Variants in EIF3B observed in about 807,000 individuals in gnomAD.
EIF3B encodes the protein eukaryotic translation initiation factor 3 subunit 9.
A neutral mutation model predicts 104.6 loss-of-function variants in EIF3B; 10 were observed. The observed-to-expected ratio is 0.10, with a 90% confidence interval of 0.06 to 0.16. The LOEUF is 0.16. Ranked by LOEUF, EIF3B falls within the 10% of genes least tolerant of loss-of-function variation. EIF3B has a pLI of 1.00. For missense variants in EIF3B, 1,014 were observed against 1,087.9 expected, an observed-to-expected ratio of 0.93 and a Z score of 0.96; for synonymous variants, 542 against 417.2, an observed-to-expected ratio of 1.30 and a Z score of -3.65.
At chr7:2,372,623 C>G in intron 11 of EIF3B, 50 bp from the exon 12 acceptor site, 1 of 1,593,056 alleles carries the variant, frequency 6.3e-7, no homozygotes, top group Non-Finnish European at 8.6e-7. Context: ...ATCAAGAGCA[C>G]TATGTTCTGA....
At chr7:2,372,988 C>G in intron 12 of EIF3B, 193 bp downstream of exon 12, 1 of 470,716 alleles carries the variant, frequency 2.1e-6, no homozygotes, top group East Asian at 3.4e-5. Context: ...CAGGGTGTCT[C>G]TCTGAGCCCC....
At position 2,364,512 on chromosome 7, in the gene EIF3B, C is replaced by T. The variant is rs1317525719; in HGVS notation, c.1140C>T (p.Asp380=). 2.5e-6 allele frequency: 4 copies of T among 1,612,598 alleles called. No homozygotes were observed. The African/African-American group carries it at 4.0e-5, about 16-fold the overall frequency. ...RFSHQGVQLI[D]FSPCERYLVT... ...GCCACCAAGGGGTTCAGCTTATTGA[C>T]TTCTCACCTTGTGAAAGGTAAGCTG... The change falls in exon 6 of 19, where the codon GAC becomes GAT. Residue 380 remains aspartate (D), a synonymous_variant. Coordinates refer to ENST00000360876, the MANE Select transcript of EIF3B (RefSeq NM_001037283.2).
At chr7:2,361,673 C>T (rs1245602683) in intron 2 of EIF3B, among the ~76,000 whole-genome samples, 1 of 152,180 alleles carries the variant, frequency 6.6e-6, no homozygotes, top group Admixed American at 6.6e-5. Context: ...CCCGCCTCGG[C>T]CTCCCAAAGT....
At chr7:2,369,397 G>C in intron 9 of EIF3B, 75 bp from the exon 10 acceptor site, 1 of 1,481,794 alleles carries the variant, frequency 6.7e-7, no homozygotes, top group Non-Finnish European at 9.4e-7. Flanking sequence ...CAAATGAGTT[G>C]TTCTATTCTC....
chr7:2,355,756 G>C (rs1007901110), intron 1 of EIF3B, among the ~76,000 whole-genome samples: 1 of 152,124 alleles, frequency 6.6e-6, no homozygotes, highest in Non-Finnish European at 1.5e-5. Context: ...AGCAGCTGGG[G>C]GTACGGCAAA....
chr7:2,379,221 G>C lies in EIF3B; in HGVS notation c.2320G>C (p.Glu774Gln), dbSNP rs150993211. The C allele has an allele frequency of 1.8e-5, 29 of 1,612,874 alleles. No individual in the cohort carries two copies. Among genetic ancestry groups the C allele is most frequent in the Non-Finnish European group, 2.4e-5 (28 of 1,179,472 alleles). ...AQELYMEQKNERLELRGGVDT... is the reference protein window; with the variant it reads ...AQELYMEQKNQRLELRGGVDT... ...GGAGCTCTATATGGAGCAGAAAAAC[G>C]AGCGCCTGGAGTTGCGAGGAGGTAA... is the stretch of plus-strand genomic sequence containing the variant. The change falls in exon 17 of 19, where the codon GAG (glutamate) becomes CAG (glutamine). Residue 774 changes from glutamate to glutamine, a missense_variant. By Grantham distance (29) the Glu-to-Gln change is conservative. Around this residue, in one of 4 missense-constraint regions of EIF3B, gnomAD observed 266 missense variants for 324.0 expected, o/e 0.82. Transcript: ENST00000360876.
intron 13 of EIF3B, chr7:2,375,122 C>T (rs1010300): frequency 0.23 from 114,625 of 494,978 alleles, 15,137 homozygotes; most frequent in African/African-American, 0.45. Flanking sequence ...TCCACACTTG[C>T]TACTGTATTT....
chr7:2,370,369 C>T (rs537454801), intron 10 of EIF3B, among the ~76,000 whole-genome samples: 2 of 151,836 alleles, frequency 1.3e-5, no homozygotes, highest in African/African-American at 2.4e-5. Context: ...CCCAGCTACT[C>T]GGGAGGCTGA....
chr7:2,366,622 G>A (rs781417389), intron 8 of EIF3B, 31 bp downstream of exon 8: 28 of 1,612,288 alleles, frequency 1.7e-5, no homozygotes, highest in East Asian at 2.2e-5. Context: ...CAAACGCCCC[G>A]TCCGGTCCTT....
chr7:2,355,029 G>T lies in EIF3B; in HGVS notation c.108G>T (p.Arg36=). 1 of 1,192,536 alleles carries T rather than the reference G, an allele frequency of 8.4e-7. No homozygotes were observed. Among genetic ancestry groups the T allele is most frequent in the African/African-American group, 1.6e-5 (1 of 62,742 alleles). 73.9% of individuals were successfully genotyped at this position (1,192,536 alleles called of 1,614,324 possible). The part of the protein sequence containing the change: ...AEPPPAEGLL[R]PAGPGAPEAA... ...CGCCGCCAGCCGAGGGGCTGCTGCG[G>T]CCCGCGGGGCCCGGCGCTCCGGAGG... The change falls in exon 1 of 19, where the codon CGG becomes CGT. Residue 36 remains arginine (R), a synonymous_variant. Coordinates refer to ENST00000360876, the MANE Select transcript of EIF3B (RefSeq NM_001037283.2).
chr7:2,354,980 G>C lies in EIF3B; in HGVS notation c.59G>C (p.Gly20Ala). The C allele has an allele frequency of 8.5e-7, 1 of 1,170,978 alleles. No homozygotes were observed. The allele number at this position is 1,170,978 out of a possible 1,614,324, so 72.5% of individuals were successfully genotyped here. The change falls in exon 1 of 19, where the codon GGC becomes GCC. Residue 20 changes from glycine (G) to alanine (A), a missense_variant. Gly to Ala is a moderately conservative substitution (Grantham distance 60). This residue lies in a region of EIF3B where 488 missense variants were observed against 404.3 expected (regional missense o/e 1.21). Coordinates refer to ENST00000360876, the MANE Select transcript of EIF3B (RefSeq NM_001037283.2). ...GCGGCCGAGGAGCGCGCCGAGCCCG[G>C]CCAGCAGCAGCCGGCCGCCGAGCCG... ...PEAAEERAEP[G>A]QQQPAAEPPP...
chr7:2,374,232 C>A, intron 12 of EIF3B: 1 of 281,484 alleles, frequency 3.6e-6, no homozygotes, highest in Non-Finnish European at 6.8e-6. Context: ...TGTTGGGGTC[C>A]CTGCAGCAGT....
chr7:2,380,457 CTTCT>C lies in EIF3B; in HGVS notation c.*274_*277del, dbSNP rs754696973. On this transcript the variant is annotated 3_prime_UTR_variant, in exon 19 of 19. Coordinates refer to ENST00000360876, the MANE Select transcript of EIF3B (RefSeq NM_001037283.2). ...GGGGGATTTAAGGCACCCGCTTCCA[CTTCT>C]TTCTTGTTTGGAGTTTTCTGTTGGA... is the stretch of plus-strand genomic sequence containing the variant. 2.0e-6 allele frequency: 1 copy of C among 510,192 alleles called. No homozygotes were observed. Among genetic ancestry groups the C allele is most frequent in the Non-Finnish European group, 3.9e-6 (1 of 255,878 alleles). The allele number at this position is 510,192 out of a possible 1,614,324, so 31.6% of individuals were successfully genotyped here. A position where few individuals can be genotyped will look rare whatever the true frequency, so the allele number is the denominator to read the frequency against.
At position 2,379,493 on chromosome 7, in the gene EIF3B, A is replaced by G. The variant is rs776869255; in HGVS notation, c.2441A>G (p.Glu814Gly). The change falls in exon 18 of 19, where the codon GAG becomes GGG. Residue 814 changes from glutamate to glycine, a missense_variant. Glu to Gly is a moderately conservative substitution (Grantham distance 98). Coordinates refer to ENST00000360876, the MANE Select transcript of EIF3B (RefSeq NM_001037283.2). ...TEEIIPLGNQ[E>G] ...GAAATCATTCCCCTCGGGAATCAGG[A>G]GTGACCTGGAGCACTGTGGTGAGCG... 21 of 1,567,572 alleles carry G rather than the reference A, an allele frequency of 1.3e-5. No individual in the cohort carries two copies. The highest frequency in any genetic ancestry group is 1.7e-5 in the Non-Finnish European group (20 of 1,155,158).
chr7:2,372,667 T>C lies in EIF3B; in HGVS notation c.1688-6T>C. ...AAAAGGGAGGGGTCTGTTTTGTGCA[T>C]TTTAGAAACCATCATAGCCTTTGCC... On this transcript the variant is annotated splice_region_variant and splice_polypyrimidine_tract_variant and intron_variant, in intron 11 of 18. Transcript: ENST00000360876. 3 of 1,613,596 alleles carry C rather than the reference T, an allele frequency of 1.9e-6. No individual in the cohort carries two copies. The highest frequency in any genetic ancestry group is 2.5e-6 in the Non-Finnish European group (3 of 1,179,642).
intron 2 of EIF3B, among the ~76,000 whole-genome samples, chr7:2,361,198 A>C (rs1046216894): frequency 4.6e-5 from 7 of 152,224 alleles, no homozygotes; most frequent in African/African-American, 1.2e-4. Context: ...TGGAGGCTGC[A>C]GTGAGCTATG....
rs925660167 is a variant in EIF3B, at chr7:2,370,984, A to G, written c.1615-793A>G. Among the ~76,000 whole-genome samples the G allele has an allele frequency of 9.9e-5, 15 of 152,154 alleles. No homozygotes were observed. The East Asian group carries it at 2.9e-3, about 30-fold the overall frequency. Reference sequence around the variant, plus strand: ...AGGCTGAGGCAGGAGAATGGCGTGAACCCGGGAGGCGGAGCTTGCAGTGAG... The same window carrying G: ...AGGCTGAGGCAGGAGAATGGCGTGAGCCCGGGAGGCGGAGCTTGCAGTGAG... On this transcript the variant is annotated intron_variant, in intron 10 of 18. Coordinates refer to ENST00000360876, the MANE Select transcript of EIF3B (RefSeq NM_001037283.2).
chr7:2,366,709 G>T, intron 8 of EIF3B, 118 bp downstream of exon 8: 1 of 1,197,284 alleles, frequency 8.4e-7, no homozygotes, highest in Non-Finnish European at 1.2e-6. Flanking sequence ...GCATAGGAAA[G>T]GCCTGTCTCC....
intron 1 of EIF3B, among the ~76,000 whole-genome samples, chr7:2,360,282 TAA>T (rs1380388548): frequency 6.6e-6 from 1 of 152,206 alleles, no homozygotes; most frequent in Non-Finnish European, 1.5e-5. Flanking sequence ...AAATCTTCTG[TAA>T]AAAGTCAGTT....
Sources: gnomAD v4.1 joint callset for allele counts (sites outside exome capture counted in the v4.1 genomes callset) on GRCh38, gnomAD v4.1.1 for gene constraint, gnomAD v4.1.1 regional missense constraint, MANE v1.5 for transcripts, NCBI Gene and HGNC (gene_info 2026-07-23, HGNC 2026-07-21) for gene names.